Variants in COQ4 observed in about 807,000 individuals in gnomAD.
COQ4 encodes the protein coenzyme Q4.
In COQ4, 36 loss-of-function variants were observed where a neutral mutation model predicts 30.2. That is an observed-to-expected ratio of 1.19 (90% CI 0.91 to 1.57). The LOEUF (loss-of-function observed/expected upper bound fraction) is 1.57. Ranked by LOEUF, COQ4 falls within the 40% of genes most tolerant of loss-of-function variation. The probability of loss-of-function intolerance (pLI) is 0.00; values close to 1 mark genes in which losing one functional copy is unlikely to be tolerated. For synonymous variants in COQ4, 197 were observed against 161.0 expected, an observed-to-expected ratio of 1.22 and a Z score of -1.69; for missense variants, 369 against 371.9, an observed-to-expected ratio of 0.99 and a Z score of 0.07.
intron 5 of COQ4, 104 bp from the exon 6 acceptor site, chr9:128,332,746 G>A (rs1167866820): frequency 1.4e-5 from 13 of 913,116 alleles, no homozygotes; most frequent in Admixed American, 5.1e-5. Flanking sequence ...AGCTGACCCC[G>A]TAGAGATTAG....
chr9:128,332,170 C>T lies in COQ4; in HGVS notation c.420C>T (p.Thr140=), dbSNP rs915250667. ...FLDVNRVSPD[T]RAPTRFVDDE... ...GTTGTCAGAGGGTCTCCCCAGACAC[C>T]CGAGCACCCACCCGCTTCGTGGATG... Residue 140 remains threonine, a synonymous_variant, in exon 5 of 7, where the codon ACC becomes ACT. Transcript: ENST00000300452. The T allele has an allele frequency of 6.3e-7, 1 of 1,576,934 alleles. No homozygotes were observed. The highest frequency in any genetic ancestry group is 8.6e-7 in the Non-Finnish European group (1 of 1,161,146).
At chr9:128,327,566 G>A (rs1172890381) in intron 4 of COQ4, among the ~76,000 whole-genome samples, 2 of 152,180 alleles carry the variant, frequency 1.3e-5, no homozygotes, top group African/African-American at 4.8e-5. Context: ...TTGGGGGGCT[G>A]AAGTGGGCGG....
At chr9:128,324,762 A>T in intron 2 of COQ4, among the ~76,000 whole-genome samples, 1 of 150,838 alleles carries the variant, frequency 6.6e-6, no homozygotes. Flanking sequence ...AAAACAAAAC[A>T]AAACAGAAAT....
chr9:128,332,887 T>C lies in COQ4; in HGVS notation c.570T>C (p.Thr190=). 2 of 1,614,200 alleles carry C rather than the reference T, an allele frequency of 1.2e-6. No individual in the cohort carries two copies. ...TGAAATGGTTTGAGGCTGTCCAGACTGGCCTGCCCATGTGCATCCTGGGTG... is the reference window on the plus strand; with the variant it reads ...TGAAATGGTTTGAGGCTGTCCAGACCGGCCTGCCCATGTGCATCCTGGGTG... ...IVVKWFEAVQ[T]GLPMCILGAF... Residue 190 remains threonine (T), a synonymous_variant, in exon 6 of 7, where the codon ACT becomes ACC. Coordinates refer to ENST00000300452, the MANE Select transcript of COQ4 (RefSeq NM_016035.5).
chr9:128,325,803 C>T lies in COQ4; in HGVS notation c.324C>T (p.Ser108=), dbSNP rs765741653. The T allele has an allele frequency of 4.3e-6, 7 of 1,614,154 alleles. No individual in the cohort carries two copies. Among genetic ancestry groups the T allele is most frequent in the South Asian group, 3.3e-5 (3 of 91,086 alleles). The part of the protein sequence containing the change: ...ILQERPRIST[S]TLDLGKLQSL... ...GGGAGCGTCCCCGGATTTCGACATC[C>T]ACCCTCGACCTGGGCAAGCTCCAGA... Residue 108 remains serine, a synonymous_variant, in exon 4 of 7, where the codon TCC becomes TCT. Transcript: ENST00000300452.
At chr9:128,328,658 A>C (rs1268781359) in intron 4 of COQ4, among the ~76,000 whole-genome samples, 1 of 152,144 alleles carries the variant, frequency 6.6e-6, no homozygotes, top group African/African-American at 2.4e-5. Context: ...CCCCGAGACG[A>C]TGTTCTGTTC....
At chr9:128,330,161 G>C (rs929303842) in intron 4 of COQ4, among the ~76,000 whole-genome samples, 6 of 151,232 alleles carry the variant, frequency 4.0e-5, no homozygotes, top group Non-Finnish European at 8.8e-5. Flanking sequence ...ACGAAGTCAG[G>C]AGTTTGAGAC....
chr9:128,332,352 C>T lies in COQ4; in HGVS notation c.532+70C>T, dbSNP rs1832429085. 8 of 1,529,364 alleles carry T rather than the reference C, an allele frequency of 5.2e-6. No homozygotes were observed. In the Admixed American group the frequency reaches 5.4e-5, roughly 10 times the overall value. The allele number at this position is 1,529,364 out of a possible 1,614,324, so 94.7% of individuals were successfully genotyped here. A position where few individuals can be genotyped will look rare whatever the true frequency, so the allele number is the denominator to read the frequency against. ...CAGGGCCAGGGCAGGGCTTGCCTAT[C>T]TCCACCACCCTCTGCATCACCTGGC... On this transcript the variant is annotated intron_variant, in intron 5 of 6. Transcript: ENST00000300452.
At chr9:128,332,480 G>A (rs1832431564) in intron 5 of COQ4, 198 bp downstream of exon 5, 3 of 629,252 alleles carry the variant, frequency 4.8e-6, no homozygotes, top group East Asian at 2.8e-5. Context: ...CACTAATGGA[G>A]CAGCAGAGCC....
chr9:128,323,067 A>G lies in COQ4; in HGVS notation c.122A>G (p.His41Arg), dbSNP rs748282472. 7 of 1,611,198 alleles carry G rather than the reference A, an allele frequency of 4.3e-6. No homozygotes were observed. In the African/African-American group the frequency reaches 6.7e-5, roughly 15 times the overall value. Residue 41 changes from histidine to arginine, a missense_variant, in exon 2 of 7, where the codon CAC (histidine) becomes CGC (arginine). By Grantham distance (29) the His-to-Arg change is conservative. Coordinates refer to ENST00000300452, the MANE Select transcript of COQ4 (RefSeq NM_016035.5). ...GGCGCCGGCCCGCTATACTCGCACCACCTCCCCACCTCCCCGCTGCAGAAA... is the reference window on the plus strand; with the variant it reads ...GGCGCCGGCCCGCTATACTCGCACCGCCTCCCCACCTCCCCGCTGCAGAAA... ...SDGAGPLYSH[H>R]LPTSPLQKGL...
Position 128,333,696 on chromosome 9 carries a change from T to G in COQ4, c.*51T>G. 7.0e-7 allele frequency: 1 copy of G among 1,434,468 alleles called. No homozygotes were observed. The highest frequency in any genetic ancestry group is 9.2e-7 in the Non-Finnish European group (1 of 1,085,286). The allele number at this position is 1,434,468 out of a possible 1,614,324, so 88.9% of individuals were successfully genotyped here. The stretch of plus-strand genomic sequence containing the variant: ...TACCTCCCCCATCCCCTGCTTCCCT[T>G]GGAGGCAGAGGGCTCCCTTGACTAC... On this transcript the variant is annotated 3_prime_UTR_variant, in exon 7 of 7. Transcript: ENST00000300452.
rs79172715 is a variant in COQ4 at position 128,325,935 on chromosome 9, G to A, written c.402+54G>A. The A allele has an allele frequency of 4.3e-3, 6,313 of 1,462,850 alleles. 270 individuals carry two copies. The East Asian group carries it at 0.1, about 24-fold the overall frequency. 90.6% of individuals were successfully genotyped at this position (1,462,850 alleles called of 1,614,324 possible). ...AGTCACCAGACAGGACAGAGGAATA[G>A]CACAGGCATGACACCCTGAGGAAAG... On this transcript the variant is annotated intron_variant, in intron 4 of 6. Coordinates refer to ENST00000300452, the MANE Select transcript of COQ4 (RefSeq NM_016035.5).
In COQ4 at chr9:128,322,941, G is replaced by C. The variant is rs930395768; in HGVS notation, c.70+13G>C. 6.2e-7 allele frequency: 1 copy of C among 1,603,078 alleles called. No homozygotes were observed. On this transcript the variant is annotated intron_variant, in intron 1 of 6. Coordinates refer to ENST00000300452, the MANE Select transcript of COQ4 (RefSeq NM_016035.5). ...CGGCCTGCGGCAGGCAAGTGGCGCC[G>C]GGTTCTGGGCGCAGGCGGGAAGGAG...
Position 128,333,545 on chromosome 9 carries a change from T to G in COQ4, c.698T>G (p.Leu233Arg), listed in dbSNP as rs1195128615. ...VQNGRRAPCV[L>R]NLYYERRWEQ... is the part of the protein sequence containing the mutation. ...AACGGGCGCAGAGCCCCATGTGTCC[T>G]CAACCTGTACTATGAGCGGCGCTGG... Residue 233 changes from leucine (L) to arginine (R), a missense_variant, in exon 7 of 7, where the codon CTC becomes CGC. Leu to Arg is a moderately radical substitution (Grantham distance 102). Coordinates refer to ENST00000300452, the MANE Select transcript of COQ4 (RefSeq NM_016035.5). 6.2e-7 allele frequency: 1 copy of G among 1,610,106 alleles called. No homozygotes were observed. The highest frequency in any genetic ancestry group is 1.3e-5 in the African/African-American group (1 of 74,820).
intron 2 of COQ4, among the ~76,000 whole-genome samples, chr9:128,324,068 C>T (rs1000748186): frequency 2.6e-5 from 4 of 152,050 alleles, no homozygotes; most frequent in African/African-American, 7.2e-5. Flanking sequence ...TATGCAACTT[C>T]CACCTCCCAG....
rs1380164950 is a variant in COQ4, at chr9:128,332,269, C to T, written c.519C>T (p.Pro173=). The T allele has an allele frequency of 1.2e-6, 2 of 1,612,646 alleles. No individual in the cohort carries two copies. Among genetic ancestry groups the T allele is most frequent in the East Asian group, 2.2e-5 (1 of 44,884 alleles). The change falls in exon 5 of 7, where the codon CCC becomes CCT. Residue 173 remains proline, a synonymous_variant. Coordinates refer to ENST00000300452, the MANE Select transcript of COQ4 (RefSeq NM_016035.5). ...TGCTTCACACCCTGCTGGGGATGCC[C>T]ACCAACATCCTGGGTGAGTGCCCCC... ...HDMLHTLLGM[P]TNILGEIVVK... is the part of the protein sequence containing the mutation.
chr9:128,323,458 C>T, intron 2 of COQ4: 3 of 469,744 alleles, frequency 6.4e-6, no homozygotes, highest in Non-Finnish European at 1.1e-5. Context: ...TTTATAATAT[C>T]CTACTAGAAA....
intron 5 of COQ4, 133 bp downstream of exon 5, chr9:128,332,415 T>A: frequency 1.0e-6 from 1 of 960,046 alleles, no homozygotes; most frequent in Non-Finnish European, 1.6e-6. Flanking sequence ...AACATCTTAG[T>A]AGCATCTTTG....
chr9:128,323,123 G>T lies in COQ4; in HGVS notation c.178G>T (p.Ala60Ser), dbSNP rs750158146. 1 of 1,609,490 alleles carries T rather than the reference G, an allele frequency of 6.2e-7. No homozygotes were observed. Residue 60 changes from alanine to serine, a missense_variant, in exon 2 of 7, where the codon GCG (alanine) becomes TCG (serine). Physicochemically the swap from Ala to Ser is moderately conservative, Grantham distance 99. Transcript: ENST00000300452. ...GTTGGCCGCCGGCTCCGCGGCGATG[G>T]CGCTCTATAACCCCTACCGCCACGG... ...GLLAAGSAAM[A>S]LYNPYRHDMV...
Sources: gnomAD v4.1 joint callset for allele counts (sites outside exome capture counted in the v4.1 genomes callset) on GRCh38, gnomAD v4.1.1 for gene constraint, MANE v1.5 for transcripts, NCBI Gene and HGNC (gene_info 2026-07-23, HGNC 2026-07-21) for gene names.